Variants in ROBO2 observed in about 807,000 individuals in gnomAD.
ROBO2 encodes roundabout guidance receptor 2.
ROBO2 carries 53 observed loss-of-function variants against 160.8 expected under a neutral mutation model. The ratio of observed to expected loss-of-function variants is 0.33; its 90% CI spans 0.26 to 0.41. The LOEUF is 0.41. ROBO2 is among the 10% of genes least tolerant of loss of function. The pLI is 1.00. For missense variants in ROBO2, 1,577 were observed against 1,722.4 expected, an observed-to-expected ratio of 0.92 and a Z score of 1.49; for synonymous variants, 664 against 611.7, an observed-to-expected ratio of 1.09 and a Z score of -1.26.
chr3:77,477,377 C>T (rs1421529749), intron 2 of ROBO2, 37 bp from the exon 3 acceptor site: 5 of 1,604,180 alleles, frequency 3.1e-6, no homozygotes, highest in Non-Finnish European at 2.6e-6. Context: ...AAGTTACTGT[C>T]GTTGAGTTTT....
At chr3:75,996,952 T>C (rs2065747525) in intron 2 of ROBO2, among the ~76,000 whole-genome samples, 1 of 152,232 alleles carries the variant, frequency 6.6e-6, no homozygotes, top group Non-Finnish European at 1.5e-5. Flanking sequence ...AGCTGCATTC[T>C]TTTAGGATAC....
At chr3:76,682,211 G>A (rs907224242) in intron 2 of ROBO2, among the ~76,000 whole-genome samples, 3 of 152,110 alleles carry the variant, frequency 2.0e-5, no homozygotes, top group African/African-American at 7.2e-5. Context: ...AAGAATGACA[G>A]TTTTGAACCC....
chr3:77,300,580 AAAAT>A (rs1300204827), intron 2 of ROBO2, among the ~76,000 whole-genome samples: 1 of 152,134 alleles, frequency 6.6e-6, no homozygotes, highest in Non-Finnish European at 1.5e-5. Flanking sequence ...ATTTAAAAAA[AAAAT>A]AAATTGTTGA....
At chr3:76,721,006 A>G (rs1461113258) in intron 2 of ROBO2, among the ~76,000 whole-genome samples, 5 of 152,138 alleles carry the variant, frequency 3.3e-5, no homozygotes, top group African/African-American at 1.2e-4. Flanking sequence ...AAAACCCAAG[A>G]TTTTTCAAAA....
intron 2 of ROBO2, among the ~76,000 whole-genome samples, chr3:76,443,731 C>G (rs965579515): frequency 1.3e-5 from 2 of 152,116 alleles, no homozygotes. Flanking sequence ...AGGCAACTTA[C>G]TGGGAACTAC....
chr3:77,385,535 A>G (rs2074011346), intron 2 of ROBO2, among the ~76,000 whole-genome samples: 1 of 152,188 alleles, frequency 6.6e-6, no homozygotes, highest in African/African-American at 2.4e-5. Flanking sequence ...TAACTTTGAA[A>G]CAGAGTTTAA....
intron 2 of ROBO2, among the ~76,000 whole-genome samples, chr3:76,022,405 G>C (rs2066599006): frequency 6.6e-6 from 1 of 151,740 alleles, no homozygotes; most frequent in African/African-American, 2.4e-5. Flanking sequence ...ACTTTACCCA[G>C]ATTCATCAGA....
intron 2 of ROBO2, among the ~76,000 whole-genome samples, chr3:76,361,787 CTAATA>C (rs1297562494): frequency 6.6e-6 from 1 of 151,886 alleles, no homozygotes; most frequent in Non-Finnish European, 1.5e-5. Context: ...AGTATATTTG[CTAATA>C]TTATACAGGA....
intron 2 of ROBO2, among the ~76,000 whole-genome samples, chr3:76,973,931 T>C (rs575332299): frequency 7.0e-4 from 106 of 152,174 alleles, no homozygotes; most frequent in Non-Finnish European, 1.2e-3. Context: ...GGTGATAAAC[T>C]CAAGAAAAGG....
At chr3:77,324,474 G>A (rs1208008833) in intron 2 of ROBO2, among the ~76,000 whole-genome samples, 1 of 152,050 alleles carries the variant, frequency 6.6e-6, no homozygotes, top group Non-Finnish European at 1.5e-5. Context: ...AGAAACACAA[G>A]TCAAAATACT....
chr3:76,319,509 A>G (rs1022114663), intron 2 of ROBO2, among the ~76,000 whole-genome samples: 4 of 151,934 alleles, frequency 2.6e-5, no homozygotes, highest in African/African-American at 9.7e-5. Context: ...TTAAATGATT[A>G]TGATGTTGAA....
At chr3:77,268,745 A>G (rs1287127340) in intron 2 of ROBO2, among the ~76,000 whole-genome samples, 1 of 152,142 alleles carries the variant, frequency 6.6e-6, no homozygotes, top group Non-Finnish European at 1.5e-5. Flanking sequence ...GCAGACATCT[A>G]TTGCTAAACT....
At chr3:76,532,076 G>A (rs1193821624) in intron 2 of ROBO2, among the ~76,000 whole-genome samples, 2 of 152,024 alleles carry the variant, frequency 1.3e-5, no homozygotes, top group African/African-American at 2.4e-5. Flanking sequence ...GCCTCTCCTG[G>A]CCTCACTTAA....
chr3:75,996,469 C>A (rs1488530163), intron 2 of ROBO2, among the ~76,000 whole-genome samples: 3 of 152,166 alleles, frequency 2.0e-5, no homozygotes, highest in African/African-American at 7.2e-5. Context: ...GTCAATTAAA[C>A]CTCTTTCATT....
At chr3:76,302,638 C>T (rs955213343) in intron 2 of ROBO2, among the ~76,000 whole-genome samples, 1 of 152,090 alleles carries the variant, frequency 6.6e-6, no homozygotes, top group African/African-American at 2.4e-5. Flanking sequence ...GAAATACTTT[C>T]CATTGTATTA....
chr3:76,434,542 G>A (rs62263762), intron 2 of ROBO2: 65,555 of 1,576,610 alleles, frequency 0.042, 1,602 homozygotes, highest in Middle Eastern at 0.091. Context: ...ATGTAGACTG[G>A]GTCAAAGCTT....
intron 2 of ROBO2, among the ~76,000 whole-genome samples, chr3:77,397,985 G>T (rs574544834): frequency 5.3e-4 from 80 of 152,164 alleles, no homozygotes; most frequent in Admixed American, 1.2e-3. Context: ...GTACTTAAAT[G>T]AAATGTCTTT....
intron 2 of ROBO2, among the ~76,000 whole-genome samples, chr3:76,461,995 T>C (rs895633880): frequency 6.6e-6 from 1 of 152,138 alleles, no homozygotes; most frequent in African/African-American, 2.4e-5. Context: ...TCTAATCCTC[T>C]TTCCTCCTCC....
intron 2 of ROBO2, among the ~76,000 whole-genome samples, chr3:76,220,560 A>T (rs1320870104): frequency 2.0e-5 from 3 of 152,074 alleles, no homozygotes; most frequent in African/African-American, 7.2e-5. Flanking sequence ...TTGATTTGGG[A>T]CTTCCCAGCC....
Sources: gnomAD v4.1 joint callset for allele counts (sites outside exome capture counted in the v4.1 genomes callset) on GRCh38, gnomAD v4.1.1 for gene constraint, MANE v1.5 for transcripts, NCBI Gene and HGNC (gene_info 2026-07-23, HGNC 2026-07-21) for gene names.